The following PLA2G6 variants were observed in gnomAD, a reference collection of about 807,000 sequenced individuals.
PLA2G6 encodes the protein phospholipase A2 group VI, also known as 85/88 kDa calcium-independent phospholipase A2.
PLA2G6 carries 62 observed loss-of-function variants against 83.8 expected under a neutral mutation model. The observed-to-expected ratio is 0.74, with a 90% CI of 0.60 to 0.91. The LOEUF (loss-of-function observed/expected upper bound fraction) is 0.91, where lower values mean the gene tolerates loss of function less well. Ranked by LOEUF, PLA2G6 falls within the 40% of genes least tolerant of loss-of-function variation. The pLI is 0.00. For synonymous variants in PLA2G6, 417 were observed against 449.8 expected (o/e 0.93, Z 0.92); for missense variants, 944 against 1,102.0 (o/e 0.86, Z 2.03).
At chr22:38,151,541 A>G (rs1350570379) in intron 2 of PLA2G6, among the ~76,000 whole-genome samples, 1 of 152,168 alleles carries the variant, frequency 6.6e-6, no homozygotes, top group African/African-American at 2.4e-5. Context: ...GTGCTGGGCC[A>G]AAAGCTTTCT....
In PLA2G6 at chr22:38,117,963, G is replaced by C. The variant is rs1409295101; in HGVS notation, c.1743-1752C>G. Among the ~76,000 whole-genome samples the C allele has an allele frequency of 2.0e-5, 3 of 150,870 alleles. No homozygotes were observed. The East Asian group carries it at 5.8e-4, about 29-fold the overall frequency. ...AGGCAGGAGAATCACTTGAACCTGG[G>C]AAGCAGAAATTGCAGTGAGCCGAGA... On this transcript the variant is annotated intron_variant, in intron 12 of 16. Coordinates refer to ENST00000332509, the MANE Select transcript of PLA2G6 (RefSeq NM_003560.4).
chr22:38,168,005 A>G (rs2090287251), intron 2 of PLA2G6: 1 of 169,574 alleles, frequency 5.9e-6, no homozygotes, highest in Non-Finnish European at 1.5e-5. Flanking sequence ...TTGTTCTGCC[A>G]CACAGGCTCC....
intron 15 of PLA2G6, chr22:38,112,884 C>A: frequency 1.9e-6 from 1 of 522,994 alleles, no homozygotes; most frequent in Non-Finnish European, 3.4e-6. Flanking sequence ...TTCCCTCCCT[C>A]CCTCCTCTCT....
intron 2 of PLA2G6, 131 bp from the exon 3 acceptor site, chr22:38,145,784 AACACACACACACACACACACACAC>A (rs132936): frequency 6.2e-5 from 30 of 484,270 alleles, no homozygotes; most frequent in Admixed American, 1.8e-4. Flanking sequence ...CTCCCAAGCA[AACACACACACACACACACACACAC>A]ACACACACAC....
intron 4 of PLA2G6, chr22:38,140,516 A>G (rs1159254738): frequency 7.0e-6 from 2 of 287,310 alleles, no homozygotes; most frequent in African/African-American, 4.4e-5. Context: ...CTAAAAAAAA[A>G]GAACGTAAAG....
chr22:38,143,876 G>A, intron 3 of PLA2G6: 1 of 199,970 alleles, frequency 5.0e-6, no homozygotes, highest in Non-Finnish European at 1.0e-5. Flanking sequence ...CCGAGTAGCT[G>A]GGATTACAGG....
In PLA2G6 at chr22:38,113,591, G is replaced by A. The variant is rs587784346; in HGVS notation, c.2098C>T (p.Gln700Ter). 2 of 1,613,672 alleles carry A rather than the reference G, an allele frequency of 1.2e-6. No individual in the cohort carries two copies. The highest frequency in any genetic ancestry group is 1.7e-6 in the Non-Finnish European group (2 of 1,179,708). The change falls in exon 15 of 17, where the codon CAA (glutamine) becomes TAA (stop). Residue 700 changes from glutamine to a stop codon, truncating the protein, a stop_gained. Transcript: ENST00000332509. LOFTEE classifies it high-confidence loss of function. ...ACATCCACACAGGTCACAGGCACTT[G>A]TGGGGACCTCCCTGTCCCCAGGGAG... ...VVSLGTGRSP[Q>*]VPVTCVDVFR...
intron 2 of PLA2G6, among the ~76,000 whole-genome samples, chr22:38,166,472 G>A (rs1346641624): frequency 3.9e-5 from 6 of 152,212 alleles, no homozygotes; most frequent in Non-Finnish European, 8.8e-5. Flanking sequence ...ACTCATGCCT[G>A]TAATCCCAGC....
At position 38,112,294 on chromosome 22, in the gene PLA2G6, TG is replaced by T. The variant is rs1272868054; in HGVS notation, c.2287del (p.Gln763SerfsTer55). The T allele has an allele frequency of 8.1e-6, 13 of 1,613,530 alleles. No homozygotes were observed. The highest frequency in any genetic ancestry group is 1.3e-5 in the African/African-American group (1 of 75,016). On this transcript the variant is annotated frameshift_variant, in exon 17 of 17. Transcript: ENST00000332509. LOFTEE classifies it high-confidence loss of function. Reference protein sequence around the residue: ...VGIQYFRLNPQLGTDIMLDEV... With the variant: ...VGIQYFRLNPXLGTDIMLDEV... ...ATCCAGCATGATGTCCGTCCCCAGC[TG>T]GGGGTTCAATCTGTTCGGGCCAGGG...
At chr22:38,119,607 C>A (rs548466783) in intron 12 of PLA2G6, among the ~76,000 whole-genome samples, 2 of 152,232 alleles carry the variant, frequency 1.3e-5, no homozygotes, top group African/African-American at 4.8e-5. Context: ...GGGAGGATCG[C>A]CTCAGCTCAG....
At chr22:38,116,316 C>A in intron 12 of PLA2G6, 105 bp from the exon 13 acceptor site, 2 of 1,258,910 alleles carry the variant, frequency 1.6e-6, no homozygotes, top group Non-Finnish European at 2.3e-6. Context: ...GTGCCCACTC[C>A]AACCTCTGTT....
chr22:38,133,363 G>A (rs2088343942), intron 6 of PLA2G6: 1 of 346,078 alleles, frequency 2.9e-6, no homozygotes, highest in East Asian at 5.9e-5. Flanking sequence ...CCCTGCAAAG[G>A]TATCACCTCT....
chr22:38,161,010 T>C (rs1469730414), intron 2 of PLA2G6, among the ~76,000 whole-genome samples: 2 of 152,210 alleles, frequency 1.3e-5, no homozygotes, highest in Non-Finnish European at 2.9e-5. Flanking sequence ...TCATTTTCTC[T>C]ATATGTGTTA....
chr22:38,161,084 A>C (rs1033734557), intron 2 of PLA2G6, among the ~76,000 whole-genome samples: 7 of 152,232 alleles, frequency 4.6e-5, no homozygotes. Context: ...AGACAGTGGA[A>C]TATAAGCAGT....
chr22:38,112,572 C>T lies in PLA2G6; in HGVS notation c.2208G>A (p.Thr736=), dbSNP rs770983765. ...GGTCCACAGCCCGCCCGTCTGGATC[C>T]GTGCACTGGTGAGAAGCAGCCTTGG... is the stretch of plus-strand genomic sequence containing the variant. ...ELGKMVVDCC[T]DPDGRAVDRA... Residue 736 remains threonine (T), a synonymous_variant, in exon 16 of 17, where the codon ACG becomes ACA. Transcript: ENST00000332509. 71 of 1,551,410 alleles carry T rather than the reference C, an allele frequency of 4.6e-5. No homozygotes were observed. The highest frequency in any genetic ancestry group is 6.8e-5 in the African/African-American group (5 of 73,056).
chr22:38,116,435 T>G (rs756187644), intron 12 of PLA2G6: 6 of 701,492 alleles, frequency 8.6e-6, no homozygotes, highest in Non-Finnish European at 1.6e-5. Flanking sequence ...TCAGCAAAAG[T>G]TGGTTTTTTT....
In PLA2G6 at chr22:38,125,105, GGTGT is replaced by G. The variant is rs572053219; in HGVS notation, c.1427+1262_1427+1265del. On this transcript the variant is annotated intron_variant, in intron 10 of 16. Transcript: ENST00000332509. ...GCTGCCTCACCTCAGCCCCTGCACA[GGTGT>G]GTGTATGTACATGCATGTGTGTACA... is the stretch of plus-strand genomic sequence containing the variant. Among the ~76,000 whole-genome samples the G allele has an allele frequency of 6.6e-3, 1,009 of 152,348 alleles. 7 individuals are homozygous for G. Among genetic ancestry groups the G allele is most frequent in the Non-Finnish European group, 6.1e-3 (416 of 68,040 alleles).
chr22:38,127,574 G>C, intron 9 of PLA2G6: 1 of 667,042 alleles, frequency 1.5e-6, no homozygotes, highest in South Asian at 1.5e-5. Flanking sequence ...TTCCAGGCTT[G>C]GTCGGGCTAC....
In PLA2G6 at chr22:38,129,687, C is replaced by T. The variant is rs1019358390; in HGVS notation, c.1078-125G>A. 4.1e-6 allele frequency: 3 copies of T among 730,698 alleles called. No individual in the cohort carries two copies. The Admixed American group carries it at 6.0e-5, about 15-fold the overall frequency. The allele number at this position is 730,698 out of a possible 1,614,324, so 45.3% of individuals were successfully genotyped here. A position where few individuals can be genotyped will look rare whatever the true frequency, so the allele number is the denominator to read the frequency against. On this transcript the variant is annotated intron_variant, in intron 7 of 16. Transcript: ENST00000332509. ...GGCCTCTCCTCAGCACGGGGAGACA[C>T]TGGAACCCTCCTCACCCCCACCCAA...
Sources: allele counts gnomAD v4.1 joint callset (sites outside exome capture counted in the v4.1 genomes callset), GRCh38; gene constraint gnomAD v4.1.1; transcripts MANE v1.5; gene names NCBI Gene and HGNC (gene_info 2026-07-23, HGNC 2026-07-21).